The following FAM184A variants were observed in gnomAD, a reference collection of about 807,000 sequenced individuals.
The protein encoded by FAM184A is protein FAM184A.
Under a neutral mutation model 143.8 loss-of-function variants are expected in FAM184A, and 99 were observed. The observed-to-expected ratio is 0.69, with a 90% CI of 0.58 to 0.81. FAM184A has a LOEUF of 0.81. FAM184A is among the 40% of genes least tolerant of loss of function. FAM184A has a pLI of 0.00. For synonymous variants in FAM184A, 427 were observed against 446.4 expected (o/e 0.96, Z 0.55); for missense variants, 1,217 against 1,310.5 (o/e 0.93, Z 1.10).
At chr6:119,057,527 T>C (rs747759772) in intron 1 of FAM184A, among the ~76,000 whole-genome samples, 14 of 152,062 alleles carry the variant, frequency 9.2e-5, no homozygotes, top group Non-Finnish European at 1.3e-4. Context: ...TTGCCTGAGG[T>C]CAGGAGTTCA....
chr6:118,964,663 A>G lies in FAM184A; in HGVS notation c.3138+4T>C, dbSNP rs1336707009. Reference sequence around the variant, plus strand: ...TCCTATTCTACAGTGTTTACGGCACATACCTTAGCCAATGGATTAATAACA... The same window carrying G: ...TCCTATTCTACAGTGTTTACGGCACGTACCTTAGCCAATGGATTAATAACA... On this transcript the variant is annotated splice_donor_region_variant and intron_variant, in intron 16 of 17. Transcript: ENST00000338891. 8.4e-6 allele frequency: 13 copies of G among 1,540,046 alleles called. No individual in the cohort carries two copies. Among genetic ancestry groups the G allele is most frequent in the Admixed American group, 1.7e-5 (1 of 57,974 alleles).
chr6:119,133,362 A>G (rs1279431347), intron 1 of FAM184A, among the ~76,000 whole-genome samples: 1 of 152,014 alleles, frequency 6.6e-6, no homozygotes, highest in Non-Finnish European at 1.5e-5. Flanking sequence ...CCCTAGGAAG[A>G]CTCCGAAATG....
chr6:119,010,948 T>G (rs900890445), intron 6 of FAM184A, among the ~76,000 whole-genome samples: 2 of 152,200 alleles, frequency 1.3e-5, no homozygotes, highest in African/African-American at 4.8e-5. Context: ...TTAAGCCTAC[T>G]GATTCTAGCT....
At chr6:119,045,835 G>C (rs1461825816) in intron 1 of FAM184A, among the ~76,000 whole-genome samples, 1 of 152,170 alleles carries the variant, frequency 6.6e-6, no homozygotes. Context: ...GATTAGGGAA[G>C]TTAATAAATA....
chr6:119,033,990 CAAAAAAAAAAAAAAAA>C (rs59719185), intron 1 of FAM184A, among the ~76,000 whole-genome samples: 2 of 17,386 alleles, frequency 1.2e-4, no homozygotes, highest in East Asian at 7.1e-3. Context: ...GACTCTGTCT[CAAAAAAAAAAAAAAAA>C]AAAAAAAAAA....
rs1308013741 is a variant in FAM184A, at chr6:119,127,280, G to GT, written c.-202+21797dup. 3.3e-5 allele frequency among the ~76,000 whole-genome samples: 5 copies of GT among 152,238 alleles called. No homozygotes were observed. The South Asian group carries it at 6.2e-4, about 19-fold the overall frequency. ...AATTTCACCTGCAAATCCCTTCACA[G>GT]TAGCACCTAGGTTAGTGTTTGATTG... On this transcript the variant is annotated intron_variant, in intron 1 of 16. Transcript: ENST00000352896.
intron 9 of FAM184A, among the ~76,000 whole-genome samples, chr6:118,984,520 A>C (rs200643821): frequency 1.5e-5 from 1 of 68,192 alleles, no homozygotes. Flanking sequence ...GTACCTCTAT[A>C]ATGGTGTTTG....
chr6:118,974,456 T>C lies in FAM184A; in HGVS notation c.2887A>G (p.Lys963Glu). 1 of 1,611,476 alleles carries C rather than the reference T, an allele frequency of 6.2e-7. No individual in the cohort carries two copies. The highest frequency in any genetic ancestry group is 8.5e-7 in the Non-Finnish European group (1 of 1,178,682). ...ADFNKTNELLKEINAALQVSL... is the reference protein window; with the variant it reads ...ADFNKTNELLEEINAALQVSL... ...ACTTGTAAAGCGGCATTTATTTCCT[T>C]GAGTAGCTCGTTAGTCTTATTAAAA... is the stretch of plus-strand genomic sequence containing the variant. The change falls in exon 14 of 18, where the codon AAG becomes GAG. Residue 963 changes from lysine to glutamate, a missense_variant. By Grantham distance (56) the Lys-to-Glu change is moderately conservative. Coordinates refer to ENST00000338891, the MANE Select transcript of FAM184A (RefSeq NM_024581.6).
At chr6:119,054,843 T>C (rs1284322184) in intron 1 of FAM184A, among the ~76,000 whole-genome samples, 8 of 140,112 alleles carry the variant, frequency 5.7e-5, no homozygotes, top group African/African-American at 1.6e-4. Flanking sequence ...GCTTTGAGTC[T>C]TGAGTAACTG....
intron 1 of FAM184A, among the ~76,000 whole-genome samples, chr6:119,133,219 C>T (rs1461002067): frequency 6.6e-6 from 1 of 152,084 alleles, no homozygotes; most frequent in Non-Finnish European, 1.5e-5. Flanking sequence ...TGGTTGTTGC[C>T]AACTGCATTC....
At chr6:118,994,141 T>TG (rs1397018270) in intron 9 of FAM184A, among the ~76,000 whole-genome samples, 1 of 152,124 alleles carries the variant, frequency 6.6e-6, no homozygotes, top group African/African-American at 2.4e-5. Context: ...TTACCACAGT[T>TG]GCAATTTAAC....
At chr6:119,096,894 C>T (rs993416948) in intron 1 of FAM184A, among the ~76,000 whole-genome samples, 1 of 152,144 alleles carries the variant, frequency 6.6e-6, no homozygotes, top group Non-Finnish European at 1.5e-5. Flanking sequence ...TCCAGGAAGC[C>T]CGTCCAAGCT....
intron 9 of FAM184A, among the ~76,000 whole-genome samples, chr6:118,984,748 C>T (rs1458039840): frequency 6.6e-6 from 1 of 152,168 alleles, no homozygotes; most frequent in Non-Finnish European, 1.5e-5. Flanking sequence ...CCAAATAAAG[C>T]ATGTCTTGAG....
At chr6:119,010,943 C>T (rs11968256) in intron 6 of FAM184A, among the ~76,000 whole-genome samples, 50 of 152,264 alleles carry the variant, frequency 3.3e-4, no homozygotes, top group African/African-American at 1.2e-3. Flanking sequence ...TCAAATTAAG[C>T]CTACTGATTC....
chr6:119,072,390 T>A (rs894452390), intron 1 of FAM184A, among the ~76,000 whole-genome samples: 9 of 152,356 alleles, frequency 5.9e-5, no homozygotes, highest in African/African-American at 2.2e-4. Flanking sequence ...TGGCATGTAC[T>A]AGTGCTAAGG....
chr6:119,122,217 G>T (rs1004381817), intron 1 of FAM184A, among the ~76,000 whole-genome samples: 3 of 152,150 alleles, frequency 2.0e-5, no homozygotes, highest in African/African-American at 7.2e-5. Context: ...CAGCCTTAGT[G>T]GTCAGGGAGA....
intron 1 of FAM184A, among the ~76,000 whole-genome samples, chr6:119,032,425 T>G (rs1305756821): frequency 2.0e-5 from 3 of 151,492 alleles, no homozygotes; most frequent in Admixed American, 6.6e-5. Flanking sequence ...CAGTCTCATT[T>G]TTTTACTATT....
chr6:119,117,856 C>T (rs1789101257), intron 1 of FAM184A, among the ~76,000 whole-genome samples: 1 of 152,078 alleles, frequency 6.6e-6, no homozygotes, highest in Admixed American at 6.6e-5. Flanking sequence ...GCAAGTTTAG[C>T]CAGCCAAGGG....
Position 119,024,330 on chromosome 6 carries a change from C to CT in FAM184A, c.642dup (p.Gly215ArgfsTer21). On this transcript the variant is annotated frameshift_variant, in exon 2 of 18. Coordinates refer to ENST00000338891, the MANE Select transcript of FAM184A (RefSeq NM_024581.6). LOFTEE classifies it high-confidence loss of function. ...TGTAGTTCCTCTGCCTTTTCCTGGC[C>CT]TTTATTTACTGAGGCACTGTGATCC... 6.2e-7 allele frequency: 1 copy of CT among 1,614,126 alleles called. No individual in the cohort carries two copies. Among genetic ancestry groups the CT allele is most frequent in the South Asian group, 1.1e-5 (1 of 91,086 alleles).
Sources: allele counts gnomAD v4.1 joint callset (sites outside exome capture counted in the v4.1 genomes callset), GRCh38; gene constraint gnomAD v4.1.1; transcripts MANE v1.5; gene names NCBI Gene and HGNC (gene_info 2026-07-23, HGNC 2026-07-21).